LCORL: variants seen among roughly 807,000 people sequenced by gnomAD.
The protein encoded by LCORL is ligand dependent nuclear receptor corepressor like.
In LCORL, 41 loss-of-function variants were observed where a neutral mutation model predicts 141.8. That is an observed-to-expected ratio of 0.29 (90% CI 0.23 to 0.38). The LOEUF is 0.38. Among genes scored for constraint, LCORL ranks in the 10% least tolerant of loss-of-function variants. LCORL has a pLI of 1.00. For missense variants in LCORL, 1,759 were observed against 2,035.0 expected (o/e 0.86, Z 2.61); for synonymous variants, 618 against 694.1 (o/e 0.89, Z 1.72).
intron 1 of LCORL, among the ~76,000 whole-genome samples, chr4:17,981,642 G>A (rs961322705): frequency 3.9e-5 from 6 of 152,052 alleles, no homozygotes; most frequent in Admixed American, 3.3e-4. Context: ...GGAGGCTGAA[G>A]TGCGAGGATC....
chr4:17,996,980 A>C (rs1721016567), intron 1 of LCORL, among the ~76,000 whole-genome samples: 1 of 152,114 alleles, frequency 6.6e-6, no homozygotes, highest in Non-Finnish European at 1.5e-5. Flanking sequence ...ACCATTCCGT[A>C]AGTAAATTAT....
rs567335128 is a variant in LCORL, at chr4:17,967,851, TTTTTC to T, written c.221-4807_221-4803del. 3.5e-3 allele frequency among the ~76,000 whole-genome samples: 533 copies of T among 152,230 alleles called. 2 individuals carry two copies. The highest frequency in any genetic ancestry group is 5.4e-3 in the Admixed American group (82 of 15,286). ...TTAATTGCCATTTGCCATTACTTTT[TTTTTC>T]TTTTCTTTTCTTTTTTTTTGAGATG... On this transcript the variant is annotated intron_variant, in intron 2 of 7. Transcript: ENST00000635767.
intron 4 of LCORL, among the ~76,000 whole-genome samples, chr4:17,934,555 CT>C (rs2109437997): frequency 6.6e-6 from 1 of 152,178 alleles, no homozygotes; most frequent in South Asian, 2.1e-4. Flanking sequence ...TTGATACATG[CT>C]TTAGAGATGC....
chr4:17,858,558 TAA>T (rs753059223), intron 7 of LCORL, among the ~76,000 whole-genome samples: 1 of 139,514 alleles, frequency 7.2e-6, no homozygotes, highest in Admixed American at 7.2e-5. Flanking sequence ...CTGTCTTTAC[TAA>T]AAAAAAAAAA....
At chr4:17,864,304 AACCTCC>A (rs1438521707) in intron 7 of LCORL, among the ~76,000 whole-genome samples, 2 of 152,038 alleles carry the variant, frequency 1.3e-5, no homozygotes, top group East Asian at 1.9e-4. Flanking sequence ...GGCTCACTGC[AACCTCC>A]ACCTCCCAGA....
intron 1 of LCORL, among the ~76,000 whole-genome samples, chr4:17,994,577 A>G (rs917073613): frequency 6.6e-6 from 1 of 152,318 alleles, no homozygotes; most frequent in Admixed American, 6.5e-5. Flanking sequence ...TTTAAATTAC[A>G]TAACACCCTG....
At chr4:17,898,202 C>A (rs902944626) in intron 5 of LCORL, among the ~76,000 whole-genome samples, 2 of 151,678 alleles carry the variant, frequency 1.3e-5, no homozygotes, top group East Asian at 3.9e-4. Flanking sequence ...TATTTTTTTG[C>A]CCTTGGAATA....
At chr4:18,011,032 G>T (rs1033557368) in intron 1 of LCORL, among the ~76,000 whole-genome samples, 9 of 152,010 alleles carry the variant, frequency 5.9e-5, no homozygotes, top group Non-Finnish European at 1.3e-4. Flanking sequence ...TGCCCCTGGG[G>T]TTGAGCTTTC....
chr4:17,879,935 C>CA (rs1195135388), intron 6 of LCORL, among the ~76,000 whole-genome samples: 3 of 151,030 alleles, frequency 2.0e-5, no homozygotes, highest in Admixed American at 1.3e-4. Context: ...TACAAGTAAT[C>CA]AAAACTAATG....
exon 8 of LCORL, chr4:17,842,327 GT>G: frequency 6.2e-7 from 1 of 1,612,048 alleles, no homozygotes; most frequent in Non-Finnish European, 8.5e-7. Context: ...AAAAGTGACA[GT>G]TTCAGCTAGG....
intron 4 of LCORL, among the ~76,000 whole-genome samples, chr4:17,943,861 C>T (rs1387091386): frequency 6.6e-6 from 1 of 152,132 alleles, no homozygotes; most frequent in Non-Finnish European, 1.5e-5. Context: ...ATACCATTAT[C>T]ACAAAAGAAA....
At chr4:17,862,136 G>A (rs1395101757) in intron 7 of LCORL, among the ~76,000 whole-genome samples, 1 of 152,134 alleles carries the variant, frequency 6.6e-6, no homozygotes, top group African/African-American at 2.4e-5. Flanking sequence ...CCAATTTACT[G>A]TATTATTCCA....
At chr4:17,853,617 GAC>G (rs978044046) in intron 7 of LCORL, among the ~76,000 whole-genome samples, 1 of 152,108 alleles carries the variant, frequency 6.6e-6, no homozygotes, top group African/African-American at 2.4e-5. Context: ...TAATGTACTT[GAC>G]ACTGTCAAAT....
At chr4:17,886,076 T>C (rs751374202) in exon 6 of LCORL, 2 of 1,572,894 alleles carry the variant, frequency 1.3e-6, no homozygotes, top group Non-Finnish European at 1.7e-6. Flanking sequence ...ACCCAGCCAC[T>C]GAATTTTCAG....
intron 1 of LCORL, among the ~76,000 whole-genome samples, chr4:18,017,364 T>G (rs941912003): frequency 6.6e-6 from 1 of 152,148 alleles, no homozygotes; most frequent in Non-Finnish European, 1.5e-5. Context: ...AAAATAATTT[T>G]TCCACAAATT....
chr4:18,018,498 A>C (rs1182584473), intron 1 of LCORL, among the ~76,000 whole-genome samples: 2 of 152,212 alleles, frequency 1.3e-5, no homozygotes, highest in Non-Finnish European at 2.9e-5. Flanking sequence ...AGTAGTTAAA[A>C]ATCTAACATA....
chr4:17,980,147 C>G lies in LCORL; in HGVS notation c.155-7262G>C, dbSNP rs754469800. ...GAACTATAAGATACTAAATTTGTCA[C>G]GTGCCACTAAACTTGTGGTATTCGT... is the stretch of plus-strand genomic sequence containing the variant. On this transcript the variant is annotated intron_variant, in intron 1 of 7. Coordinates refer to ENST00000635767, the Ensembl canonical transcript of LCORL. Among the ~76,000 whole-genome samples the G allele has an allele frequency of 2.0e-5, 3 of 152,172 alleles. No homozygotes were observed. In the East Asian group the frequency reaches 5.8e-4, roughly 29 times the overall value.
chr4:17,879,298 C>T (rs1258956560), intron 6 of LCORL, among the ~76,000 whole-genome samples: 3 of 150,848 alleles, frequency 2.0e-5, no homozygotes, highest in Non-Finnish European at 4.5e-5. Flanking sequence ...TAATATTTCA[C>T]TTATATTTTA....
Position 17,884,967 on chromosome 4 carries a change from G to A in LCORL, c.776+1101C>T, listed in dbSNP as rs1015544216. Among the ~76,000 whole-genome samples, 3 of 151,858 alleles carry A rather than the reference G, an allele frequency of 2.0e-5. No homozygotes were observed. Among genetic ancestry groups the A allele is most frequent in the African/African-American group, 4.8e-5 (2 of 41,390 alleles). On this transcript the variant is annotated intron_variant, in intron 6 of 7. Transcript: ENST00000635767. This position sits in a 1 kb window ranked among gnomAD's most constrained non-coding sequence, Gnocchi z 4.4. ...GTGACAATGATACGGTGGCCTCAAC[G>A]GGCAGACCTTCCAAGAACATAAAAT...
Sources: gnomAD v4.1 joint callset for allele counts (sites outside exome capture counted in the v4.1 genomes callset) on GRCh38, gnomAD v4.1.1 for gene constraint, Gnocchi (gnomAD v3.1) non-coding constraint, MANE v1.5 for transcripts, NCBI Gene and HGNC (gene_info 2026-07-23, HGNC 2026-07-21) for gene names.